SCFD2: variants seen among roughly 807,000 people sequenced by gnomAD.
SCFD2 encodes sec1 family domain containing 2, also known as sec1 family domain-containing protein 2.
A neutral mutation model predicts 58.9 loss-of-function variants in SCFD2; 54 were observed. That is an observed-to-expected ratio of 0.92 (90% CI 0.74 to 1.15). The LOEUF (loss-of-function observed/expected upper bound fraction) is 1.15, where lower values mean the gene tolerates loss of function less well. Among genes scored for constraint, SCFD2 ranks in the 50% most tolerant of loss-of-function variants. SCFD2 has a pLI of 0.00. For synonymous variants in SCFD2, 321 were observed against 335.9 expected, an observed-to-expected ratio of 0.96 and a Z score of 0.49; for missense variants, 805 against 836.6, an observed-to-expected ratio of 0.96 and a Z score of 0.47.
chr4:53,065,647 C>G (rs1444381386), intron 5 of SCFD2, among the ~76,000 whole-genome samples: 2 of 152,000 alleles, frequency 1.3e-5, no homozygotes, highest in Non-Finnish European at 2.9e-5. Flanking sequence ...CATTACTATT[C>G]TATTCCGAAA....
rs1719517955 is a variant in SCFD2, at chr4:52,912,835, C to T, written c.1708-5244G>A. Among the ~76,000 whole-genome samples the T allele has an allele frequency of 2.0e-5, 3 of 152,116 alleles. No individual in the cohort carries two copies. In the South Asian group the frequency reaches 6.2e-4, roughly 32 times the overall value. On this transcript the variant is annotated intron_variant, in intron 6 of 8. Transcript: ENST00000401642. ...ATTTTCTACTCAGCCAGGAATGACT[C>T]ACTTCTCAGCAAAGGACCCTGTAGA...
At position 53,145,490 on chromosome 4, in the gene SCFD2, A is replaced by G. The variant is rs1726300951; in HGVS notation, c.1404T>C (p.Pro468=). Residue 468 remains proline, a synonymous_variant, in exon 5 of 9, where the codon CCT becomes CCC. Coordinates refer to ENST00000401642, the MANE Select transcript of SCFD2 (RefSeq NM_152540.4). The part of the protein sequence containing the change: ...VTQRTNEDYS[P]EELLILLIYI... The stretch of plus-strand genomic sequence containing the variant: ...ATATGAGAAGGATCAGCAGTTCCTC[A>G]GGGCTGTAGTCCTCGTTGGTTCTCT... The G allele has an allele frequency of 1.9e-6, 3 of 1,614,148 alleles. No homozygotes were observed. Among genetic ancestry groups the G allele is most frequent in the Middle Eastern group, 1.6e-4 (1 of 6,062 alleles).
chr4:53,250,615 G>C (rs996489362), intron 4 of SCFD2, among the ~76,000 whole-genome samples: 10 of 152,228 alleles, frequency 6.6e-5, no homozygotes, highest in Non-Finnish European at 5.9e-5. Flanking sequence ...CAACTACATG[G>C]AAACTGAGCA....
At chr4:52,993,007 A>G (rs920458715) in intron 5 of SCFD2, among the ~76,000 whole-genome samples, 3 of 151,812 alleles carry the variant, frequency 2.0e-5, no homozygotes, top group African/African-American at 7.3e-5. Flanking sequence ...GTGTCTGTGC[A>G]GAGGGAAGTA....
intron 5 of SCFD2, among the ~76,000 whole-genome samples, chr4:53,005,883 C>A (rs1487312001): frequency 1.3e-5 from 2 of 152,186 alleles, no homozygotes; most frequent in Non-Finnish European, 2.9e-5. Context: ...CCACATACTT[C>A]ATTGTACTAA....
intron 5 of SCFD2, among the ~76,000 whole-genome samples, chr4:53,065,637 C>CA (rs1723643116): frequency 6.6e-6 from 1 of 152,014 alleles, no homozygotes; most frequent in South Asian, 2.1e-4. Context: ...TATTCAAGAG[C>CA]ATTACTATTC....
At chr4:53,060,037 T>C (rs1202621995) in intron 5 of SCFD2, among the ~76,000 whole-genome samples, 1 of 152,148 alleles carries the variant, frequency 6.6e-6, no homozygotes, top group Non-Finnish European at 1.5e-5. Context: ...AACTTTCTCA[T>C]GTGCTTACTA....
intron 2 of SCFD2, among the ~76,000 whole-genome samples, chr4:53,318,200 A>G (rs1732921353): frequency 6.6e-6 from 1 of 152,260 alleles, no homozygotes; most frequent in Non-Finnish European, 1.5e-5. Flanking sequence ...GAACTTTACT[A>G]TAGCTTACTT....
intron 5 of SCFD2, among the ~76,000 whole-genome samples, chr4:53,092,089 T>C (rs779445366): frequency 4.6e-5 from 7 of 152,170 alleles, no homozygotes; most frequent in Non-Finnish European, 1.0e-4. Flanking sequence ...GAAATTGTCA[T>C]ATGACATATT....
intron 5 of SCFD2, among the ~76,000 whole-genome samples, chr4:53,077,360 C>A (rs754767690): frequency 1.3e-5 from 2 of 151,876 alleles, no homozygotes; most frequent in Non-Finnish European, 2.9e-5. Flanking sequence ...ATATTTATAC[C>A]CTAGTTTGAC....
chr4:52,974,332 C>T (rs1020377139), intron 5 of SCFD2, among the ~76,000 whole-genome samples: 16 of 152,138 alleles, frequency 1.1e-4, no homozygotes, highest in Non-Finnish European at 2.2e-4. Flanking sequence ...TCTCAGGATA[C>T]AAAATCAATG....
At chr4:53,179,776 C>T (rs1026001921) in intron 4 of SCFD2, among the ~76,000 whole-genome samples, 3 of 152,116 alleles carry the variant, frequency 2.0e-5, no homozygotes, top group Non-Finnish European at 4.4e-5. Context: ...CAGAGACACA[C>T]ATAGGCTCAA....
intron 2 of SCFD2, among the ~76,000 whole-genome samples, chr4:53,342,433 T>C (rs910253180): frequency 9.2e-5 from 14 of 152,124 alleles, no homozygotes; most frequent in African/African-American, 2.7e-4. Flanking sequence ...ATGCACCCAA[T>C]ACAGGAGCAC....
intron 5 of SCFD2, among the ~76,000 whole-genome samples, chr4:53,091,420 A>G (rs1396878922): frequency 2.6e-5 from 4 of 152,046 alleles, no homozygotes; most frequent in African/African-American, 9.7e-5. Flanking sequence ...TGTAAGTCTT[A>G]AAGTAATTAT....
chr4:53,065,520 T>A (rs959836174), intron 5 of SCFD2, among the ~76,000 whole-genome samples: 1 of 152,090 alleles, frequency 6.6e-6, no homozygotes, highest in African/African-American at 2.4e-5. Flanking sequence ...CTAAAAGAAT[T>A]TGTTATTTTT....
chr4:53,156,971 T>C (rs1315928405), intron 4 of SCFD2, among the ~76,000 whole-genome samples: 1 of 152,262 alleles, frequency 6.6e-6, no homozygotes, highest in African/African-American at 2.4e-5. Flanking sequence ...ATTTGGCACA[T>C]ATTTTCTCCA....
At chr4:53,012,326 C>A (rs1028366033) in intron 5 of SCFD2, among the ~76,000 whole-genome samples, 4 of 151,432 alleles carry the variant, frequency 2.6e-5, no homozygotes, top group Admixed American at 1.3e-4. Context: ...GGCTGGGATA[C>A]CTTATTAGCA....
intron 8 of SCFD2, among the ~76,000 whole-genome samples, chr4:52,876,788 C>A (rs568122081): frequency 6.7e-6 from 1 of 149,972 alleles, no homozygotes; most frequent in East Asian, 2.0e-4. Flanking sequence ...AAAAGAAGCC[C>A]TTCTTCAGAA....
At chr4:52,877,420 G>C (rs1718499322) in intron 8 of SCFD2, among the ~76,000 whole-genome samples, 1 of 152,160 alleles carries the variant, frequency 6.6e-6, no homozygotes, top group African/African-American at 2.4e-5. Flanking sequence ...GGATAGTACA[G>C]TGGTTAAGAG....
Sources: allele counts gnomAD v4.1 joint callset (sites outside exome capture counted in the v4.1 genomes callset), GRCh38; gene constraint gnomAD v4.1.1; transcripts MANE v1.5; gene names NCBI Gene and HGNC (gene_info 2026-07-23, HGNC 2026-07-21).